RANBP2: variants seen among roughly 807,000 people sequenced by gnomAD.
RANBP2 encodes the protein RAN binding protein 2.
RANBP2 carries 57 observed loss-of-function variants against 303.6 expected under a neutral mutation model. The observed-to-expected ratio is 0.19, with a 90% CI of 0.15 to 0.23. The LOEUF (loss-of-function observed/expected upper bound fraction) is 0.23, where lower values mean the gene tolerates loss of function less well. Ranked by LOEUF, RANBP2 falls within the 10% of genes least tolerant of loss-of-function variation. RANBP2 has a pLI of 1.00. For synonymous variants in RANBP2, 1,167 were observed against 1,301.5 expected, an observed-to-expected ratio of 0.90 and a Z score of 2.23; for missense variants, 3,138 against 3,780.8, an observed-to-expected ratio of 0.83 and a Z score of 4.46.
At chr2:109,011,953 C>A in the RANBP2 span, among the ~76,000 whole-genome samples, 11 of 152,018 alleles carry the variant, frequency 7.2e-5, no homozygotes, top group Non-Finnish European at 1.5e-4. Context: ...CTTTTAGATG[C>A]AACATCTTCC....
the RANBP2 span, among the ~76,000 whole-genome samples, chr2:109,403,590 G>A: frequency 2.6e-5 from 4 of 152,358 alleles, no homozygotes; most frequent in East Asian, 7.7e-4. Context: ...ACACGCAGGA[G>A]AATGCCAGCA....
At chr2:109,529,836 C>T in the RANBP2 span, among the ~76,000 whole-genome samples, 110 of 152,312 alleles carry the variant, frequency 7.2e-4, 7 homozygotes, top group Non-Finnish European at 3.8e-4. Context: ...CTCACTTCCC[C>T]ACTGGGCTGA....
the RANBP2 span, among the ~76,000 whole-genome samples, chr2:109,685,767 T>G: frequency 6.6e-6 from 1 of 152,108 alleles, no homozygotes; most frequent in Non-Finnish European, 1.5e-5. Flanking sequence ...AAGGGTTATA[T>G]GAAGGTCACA....
chr2:109,077,046 C>T, the RANBP2 span, among the ~76,000 whole-genome samples: 2 of 150,466 alleles, frequency 1.3e-5, no homozygotes, highest in South Asian at 4.2e-4. Context: ...AAAACAGACA[C>T]AGAAACCAAT....
At chr2:109,077,085 C>T in the RANBP2 span, among the ~76,000 whole-genome samples, 1 of 150,230 alleles carries the variant, frequency 6.7e-6, no homozygotes, top group African/African-American at 2.4e-5. Context: ...AATAAGCTCA[C>T]GAAAATATGG....
the RANBP2 span, among the ~76,000 whole-genome samples, chr2:109,270,188 T>C: frequency 2.6e-5 from 4 of 152,038 alleles, no homozygotes; most frequent in African/African-American, 7.2e-5. Context: ...GATCAGCAAA[T>C]TGGGGCAGCA....
chr2:108,740,939 C>G (rs1366844531), intron 7 of RANBP2, among the ~76,000 whole-genome samples: 1 of 151,974 alleles, frequency 6.6e-6, no homozygotes, highest in Admixed American at 6.6e-5. Context: ...AGAGTTTGAT[C>G]TTTTTACTCT....
intron 25 of RANBP2, among the ~76,000 whole-genome samples, chr2:108,779,706 T>C (rs1023534045): frequency 2.6e-5 from 4 of 152,208 alleles, no homozygotes; most frequent in African/African-American, 9.7e-5. Flanking sequence ...AATTGAGGTA[T>C]GGGATGGAGA....
At chr2:108,794,431 T>C in the RANBP2 span, 8 of 1,033,606 alleles carry the variant, frequency 7.7e-6, no homozygotes, top group African/African-American at 1.6e-5. Flanking sequence ...CTTGAAACTT[T>C]TTAATGTTAT....
At chr2:109,332,771 A>T in the RANBP2 span, among the ~76,000 whole-genome samples, 1 of 152,062 alleles carries the variant, frequency 6.6e-6, no homozygotes, top group Non-Finnish European at 1.5e-5. Context: ...GTGGAGGCAC[A>T]GGTGCTAGTG....
intron 1 of RANBP2, among the ~76,000 whole-genome samples, chr2:108,726,446 T>G (rs1293406439): frequency 2.0e-5 from 3 of 150,632 alleles, no homozygotes; most frequent in Non-Finnish European, 2.9e-5. Context: ...TTGTTTTTTT[T>G]TTTTTTTGGC....
the RANBP2 span, among the ~76,000 whole-genome samples, chr2:109,717,276 A>C: frequency 3.3e-5 from 5 of 149,964 alleles, no homozygotes; most frequent in South Asian, 2.1e-4. Context: ...ACAAACCAAA[A>C]AAAAAAAAAA....
the RANBP2 span, among the ~76,000 whole-genome samples, chr2:108,960,493 G>A: frequency 6.6e-6 from 1 of 152,182 alleles, no homozygotes; most frequent in African/African-American, 2.4e-5. Context: ...GAAGGTGGGG[G>A]CATGAGGAGC....
At chr2:109,063,423 G>GA in the RANBP2 span, among the ~76,000 whole-genome samples, 1 of 152,180 alleles carries the variant, frequency 6.6e-6, no homozygotes, top group African/African-American at 2.4e-5. Context: ...TGGCTTTGCT[G>GA]TGGCCTTTCC....
the RANBP2 span, among the ~76,000 whole-genome samples, chr2:109,485,398 C>G: frequency 2.0e-5 from 3 of 152,186 alleles, no homozygotes; most frequent in Non-Finnish European, 4.4e-5. Context: ...CCCTTTGGCT[C>G]CTTAAAATTT....
chr2:108,956,570 T>C, the RANBP2 span, among the ~76,000 whole-genome samples: 1 of 152,220 alleles, frequency 6.6e-6, no homozygotes, highest in South Asian at 2.1e-4. Context: ...CTCCCTTGGG[T>C]GCTTTTCTGG....
At chr2:109,693,922 G>C in the RANBP2 span, among the ~76,000 whole-genome samples, 2 of 152,076 alleles carry the variant, frequency 1.3e-5, no homozygotes, top group African/African-American at 4.8e-5. Flanking sequence ...AGATATTCAG[G>C]GTCCACAGCA....
At chr2:108,843,886 C>A in the RANBP2 span, among the ~76,000 whole-genome samples, 2 of 93,972 alleles carry the variant, frequency 2.1e-5, no homozygotes, top group South Asian at 3.7e-4. Context: ...GTGTTTCTTT[C>A]TTTTTTTTTT....
At chr2:109,154,159 A>C in the RANBP2 span, among the ~76,000 whole-genome samples, 4 of 152,210 alleles carry the variant, frequency 2.6e-5, no homozygotes, top group African/African-American at 9.7e-5. Flanking sequence ...GTTAGGGTTC[A>C]AAATGTCATC....
Sources: gnomAD v4.1 joint callset for allele counts (sites outside exome capture counted in the v4.1 genomes callset) on GRCh38, gnomAD v4.1.1 for gene constraint, MANE v1.5 for transcripts, NCBI Gene and HGNC (gene_info 2026-07-23, HGNC 2026-07-21) for gene names.